Variants in TTN observed in about 807,000 individuals in gnomAD.
TTN encodes titin.
A neutral mutation model predicts 3,223.0 loss-of-function variants in TTN; 1,525 were observed. That is an observed-to-expected ratio of 0.47 (90% CI 0.45 to 0.49). The LOEUF (loss-of-function observed/expected upper bound fraction) is 0.49. Ranked by LOEUF, TTN falls within the 20% of genes least tolerant of loss-of-function variation. The pLI is 0.00. For missense variants in TTN, 40,786 were observed against 43,424.0 expected, an observed-to-expected ratio of 0.94 and a Z score of 5.40; for synonymous variants, 14,094 against 15,161.0, an observed-to-expected ratio of 0.93 and a Z score of 5.17.
chr2:178,768,621 A>T (rs1253750395), intron 38 of TTN, 52 bp downstream of exon 38: 1 of 1,611,878 alleles, frequency 6.2e-7, no homozygotes, highest in Non-Finnish European at 8.5e-7. Flanking sequence ...ACTAAATTTT[A>T]TAAAGCATGT....
At chr2:178,663,172 A>G (rs1328346883) in intron 173 of TTN, 94 bp downstream of exon 173, 1 of 1,604,330 alleles carries the variant, frequency 6.2e-7, no homozygotes, top group African/African-American at 1.3e-5. Flanking sequence ...CTTTAGAATT[A>G]TATCATCTTT....
At chr2:178,778,675 G>A in intron 24 of TTN, 199 bp downstream of exon 24, 2 of 690,092 alleles carry the variant, frequency 2.9e-6, no homozygotes, top group Admixed American at 4.8e-5. Context: ...TAAACAGTAT[G>A]TTACACTGAT....
intron 47 of TTN, chr2:178,749,538 C>T (rs1319967911): frequency 6.2e-7 from 1 of 1,612,872 alleles, no homozygotes; most frequent in African/African-American, 1.3e-5. Context: ...GCTGGATAAT[C>T]ATAAAAATGT....
rs1001957031 is a variant in TTN at position 178,557,715 on chromosome 2, C to G, written c.87639G>C (p.Lys29213Asn). The G allele has an allele frequency of 2.5e-6, 4 of 1,613,806 alleles. No homozygotes were observed. In the Admixed American group the frequency reaches 6.7e-5, roughly 27 times the overall value. Residue 29213 changes from lysine to asparagine, a missense_variant, in exon 328 of 363, where the codon AAG becomes AAC. By Grantham distance (94) the Lys-to-Asn change is moderately conservative. Transcript: ENST00000589042. ...TTGEEYQFRIKAENRFGISDH... is the reference protein window; with the variant it reads ...TTGEEYQFRINAENRFGISDH... The stretch of plus-strand genomic sequence containing the variant: ...CACTGATGCCAAAGCGGTTTTCTGC[C>G]TTGATGCGGAATTGGTATTCTTCTC...
At position 178,722,032 on chromosome 2, in the gene TTN, A is replaced by T; in HGVS notation, c.22631T>A (p.Met7544Lys). Residue 7544 changes from methionine (M) to lysine (K), a missense_variant, in exon 78 of 363, where the codon ATG becomes AAG. Physicochemically the swap from Met to Lys is moderately conservative, Grantham distance 95. Coordinates refer to ENST00000589042, the MANE Select transcript of TTN (RefSeq NM_001267550.2). ...GTTATCTTTTGACCAAGTGATTCGC[A>T]TCGGTTGAGCACCAGTAACATGACA... ...FECHVTGAQP[M>K]RITWSKDNKE... 2 of 1,613,526 alleles carry T rather than the reference A, an allele frequency of 1.2e-6. No individual in the cohort carries two copies. Among genetic ancestry groups the T allele is most frequent in the Non-Finnish European group, 1.7e-6 (2 of 1,179,574 alleles).
chr2:178,690,388 T>G (rs1299849684), intron 121 of TTN, among the ~76,000 whole-genome samples: 1 of 152,154 alleles, frequency 6.6e-6, no homozygotes, highest in Non-Finnish European at 1.5e-5. Flanking sequence ...GGGGTGTGCC[T>G]GTAGTGAATT....
intron 304 of TTN, 110 bp from the exon 305 acceptor site, chr2:178,588,329 A>G: frequency 1.7e-6 from 2 of 1,180,284 alleles, no homozygotes; most frequent in East Asian, 5.2e-5. Context: ...TTTTTCAATT[A>G]GTGTCCTCTT....
rs1221952991 is a variant in TTN at position 178,651,687 on chromosome 2, G to A, written c.39442C>T (p.Pro13148Ser). The A allele has an allele frequency of 1.2e-6, 2 of 1,613,348 alleles. No individual in the cohort carries two copies. The highest frequency in any genetic ancestry group is 1.7e-6 in the Non-Finnish European group (2 of 1,179,568). ...KKAPAVVAKK[P>S]ELPPVKVPEV... ...ATACCTTTCACTGGTGGTAGTTCAG[G>A]TTTTTTGGCAACGACAGCAGGTGCT... The change falls in exon 206 of 363, where the codon CCT becomes TCT. Residue 13148 changes from proline (P) to serine (S), a missense_variant. Pro to Ser is a moderately conservative substitution (Grantham distance 74). Transcript: ENST00000589042.
At chr2:178,751,076 G>T in intron 47 of TTN, 1 of 1,612,800 alleles carries the variant, frequency 6.2e-7, no homozygotes, top group African/African-American at 1.3e-5. Context: ...ATTAGAAAGG[G>T]CATGTGGATT....
chr2:178,650,348 T>A, intron 209 of TTN, 77 bp from the exon 210 acceptor site: 2 of 1,278,370 alleles, frequency 1.6e-6, no homozygotes, highest in Non-Finnish European at 2.2e-6. Flanking sequence ...ACACGATAAA[T>A]AGTAATCTTG....
Position 178,533,618 on chromosome 2 carries a change from C to G in TTN, c.102997G>C (p.Val34333Leu), listed in dbSNP as rs763815899. 1 of 1,613,948 alleles carries G rather than the reference C, an allele frequency of 6.2e-7. No individual in the cohort carries two copies. The highest frequency in any genetic ancestry group is 8.5e-7 in the Non-Finnish European group (1 of 1,179,872). Residue 34333 changes from valine (V) to leucine (L), a missense_variant, in exon 358 of 363, where the codon GTT (valine) becomes CTT (leucine). Val to Leu is a conservative substitution (Grantham distance 32, BLOSUM62 1). Coordinates refer to ENST00000589042, the MANE Select transcript of TTN (RefSeq NM_001267550.2). ...TCACCATATTTGTTCCTTGCCACAA[C>G]AGTATATTCAGCGTCATCATCTGTA... Reference protein sequence around the residue: ...VTTDDDAEYTVVARNKYGEDS... With the variant: ...VTTDDDAEYTLVARNKYGEDS...
rs776885297 is a variant in TTN, at chr2:178,549,780, C to T, written c.91942G>A (p.Gly30648Ser). Residue 30648 changes from glycine to serine, a missense_variant, in exon 338 of 363, where the codon GGT becomes AGT. Coordinates refer to ENST00000589042, the MANE Select transcript of TTN (RefSeq NM_001267550.2). Reference protein sequence around the residue: ...TLWWDAPLNDGCAPITHYIIE... With the variant: ...TLWWDAPLNDSCAPITHYIIE... Reference sequence around the variant, plus strand: ...ATGTAGTGGGTTATGGGAGCACAACCGTCATTGAGTGGGGCATCCCACCAC... The same window carrying T: ...ATGTAGTGGGTTATGGGAGCACAACTGTCATTGAGTGGGGCATCCCACCAC... 27 of 1,612,076 alleles carry T rather than the reference C, an allele frequency of 1.7e-5. No homozygotes were observed. Among genetic ancestry groups the T allele is most frequent in the South Asian group, 4.4e-5 (4 of 91,000 alleles).
At chr2:178,679,806 C>G (rs1364922688) in intron 140 of TTN, 88 bp downstream of exon 140, 1 of 1,556,696 alleles carries the variant, frequency 6.4e-7, no homozygotes, top group African/African-American at 1.4e-5. Flanking sequence ...ATCATTGGTG[C>G]TGCCAATAAC....
At chr2:178,729,603 G>A (rs1488996824) in intron 63 of TTN, 37 bp from the exon 64 acceptor site, 2 of 1,612,698 alleles carry the variant, frequency 1.2e-6, no homozygotes, top group Admixed American at 3.3e-5. Flanking sequence ...CTTACTCAAG[G>A]GAAGACCCCA....
intron 11 of TTN, 30 bp downstream of exon 11, chr2:178,790,678 G>A (rs766080279): frequency 1.2e-6 from 2 of 1,613,886 alleles, no homozygotes; most frequent in South Asian, 1.1e-5. Context: ...TGGTGCAAGA[G>A]TGACTTTCAC....
At chr2:178,536,635 A>AT (rs1189798606) in intron 356 of TTN, 60 bp from the exon 357 acceptor site, 8 of 1,374,140 alleles carry the variant, frequency 5.8e-6, no homozygotes, top group African/African-American at 2.9e-5. Context: ...ATTAAAGCTT[A>AT]TTTTTTTAAA....
chr2:178,747,587 A>G (rs140786524), intron 47 of TTN: 37 of 1,613,266 alleles, frequency 2.3e-5, no homozygotes, highest in African/African-American at 2.0e-4. Context: ...TTCCACCTCC[A>G]TTGAAGTGAT....
Position 178,784,120 on chromosome 2 carries a change from T to A in TTN, c.2725A>T (p.Thr909Ser), listed in dbSNP as rs756019280. Residue 909 changes from threonine (T) to serine (S), a missense_variant, in exon 16 of 363, where the codon ACC becomes TCC. Transcript: ENST00000589042. ...KKEVGVSITG[T>S]TVREERFEVL... Reference sequence around the variant, plus strand: ...TCAAAGCGCTCTTCACGGACGGTGGTGCCAGTGATGCTCACCCCTACTTCC... The same window carrying A: ...TCAAAGCGCTCTTCACGGACGGTGGAGCCAGTGATGCTCACCCCTACTTCC... The A allele has an allele frequency of 2.5e-6, 4 of 1,613,924 alleles. No individual in the cohort carries two copies. Among genetic ancestry groups the A allele is most frequent in the Non-Finnish European group, 3.4e-6 (4 of 1,180,004 alleles).
chr2:178,532,692 A>G lies in TTN; in HGVS notation c.103923T>C (p.Ser34641=). Residue 34641 remains serine (S), a synonymous_variant, in exon 358 of 363, where the codon TCT becomes TCC. Transcript: ENST00000589042. ...IVRPARRRTP[S]PDYDFYYRPR... Reference sequence around the variant, plus strand: ...GTCGGTAGTAAAAGTCATAATCAGGAGAAGGTGTACGCCGGCGGGCTGGTC... The same window carrying G: ...GTCGGTAGTAAAAGTCATAATCAGGGGAAGGTGTACGCCGGCGGGCTGGTC... 1 of 1,613,926 alleles carries G rather than the reference A, an allele frequency of 6.2e-7. No individual in the cohort carries two copies. Among genetic ancestry groups the G allele is most frequent in the South Asian group, 1.1e-5 (1 of 91,084 alleles).
Sources: gnomAD v4.1 joint callset for allele counts (sites outside exome capture counted in the v4.1 genomes callset) on GRCh38, gnomAD v4.1.1 for gene constraint, MANE v1.5 for transcripts, NCBI Gene and HGNC (gene_info 2026-07-23, HGNC 2026-07-21) for gene names.